DAB1: variants seen among roughly 807,000 people sequenced by gnomAD.
The protein encoded by DAB1 is disabled homolog 1.
A neutral mutation model predicts 64.6 loss-of-function variants in DAB1; 15 were observed. The ratio of observed to expected loss-of-function variants is 0.23; its 90% CI spans 0.16 to 0.36. The LOEUF (loss-of-function observed/expected upper bound fraction) is 0.36, where lower values mean the gene tolerates loss of function less well. Among genes scored for constraint, DAB1 ranks in the 10% least tolerant of loss-of-function variants. The pLI is 1.00. For synonymous variants in DAB1, 235 were observed against 251.9 expected (o/e 0.93, Z 0.64); for missense variants, 596 against 706.7 (o/e 0.84, Z 1.78).
Position 57,026,005 on chromosome 1 carries a change from T to A in DAB1, c.762A>T (p.Thr254=). 3.2e-6 allele frequency: 5 copies of A among 1,586,418 alleles called. No homozygotes were observed. Among genetic ancestry groups the A allele is most frequent in the Non-Finnish European group, 4.3e-6 (5 of 1,168,756 alleles). The part of the protein sequence containing the change: ...TQLELFGDMS[T]PPDITSPPTP... ...CGGGGGGAGAGGTTATATCAGGGGG[T>A]GTGGACATGTCCCCAAAAAGTTCTA... The change falls in exon 10 of 15, where the codon ACA becomes ACT. Residue 254 remains threonine, a synonymous_variant. Coordinates refer to ENST00000371236, the MANE Select transcript of DAB1 (RefSeq NM_001365792.1).
chr1:58,447,718 AG>A (rs1212410077), intron 3 of DAB1, among the ~76,000 whole-genome samples: 1 of 152,202 alleles, frequency 6.6e-6, no homozygotes, highest in Non-Finnish European at 1.5e-5. Flanking sequence ...GACTTTCTTG[AG>A]GAGGTGACAT....
chr1:58,402,893 C>T (rs368514578), intron 3 of DAB1, among the ~76,000 whole-genome samples: 2 of 152,282 alleles, frequency 1.3e-5, no homozygotes, highest in East Asian at 1.9e-4. Context: ...GAAGGCTGTG[C>T]GACCACGCAC....
intron 3 of DAB1, among the ~76,000 whole-genome samples, chr1:58,499,509 A>ATAGATAGATAGATAGATAAATAG (rs776144705): frequency 4.7e-5 from 2 of 42,854 alleles, no homozygotes; most frequent in South Asian, 7.0e-4. Context: ...TAGATAGATA[A>ATAGATAGATAGATAGATAAATAG]ATAGATAGAT....
At chr1:57,290,690 A>G (rs1672706235) in intron 2 of DAB1, among the ~76,000 whole-genome samples, 2 of 152,282 alleles carry the variant, frequency 1.3e-5, no homozygotes, top group South Asian at 4.2e-4. Context: ...GAAACACACA[A>G]AATTACTATT....
At chr1:57,116,325 A>T (rs1192145374) in intron 4 of DAB1, among the ~76,000 whole-genome samples, 1 of 151,586 alleles carries the variant, frequency 6.6e-6, no homozygotes, top group East Asian at 2.0e-4. Flanking sequence ...AGCCGGGCCC[A>T]GTGGCACGCG....
intron 4 of DAB1, among the ~76,000 whole-genome samples, chr1:58,228,278 T>C (rs748554646): frequency 9.2e-5 from 14 of 152,224 alleles, no homozygotes; most frequent in Non-Finnish European, 1.8e-4. Context: ...TGATAAGCCA[T>C]TAGGCAGTAG....
chr1:58,098,691 T>G (rs570330024), intron 5 of DAB1, among the ~76,000 whole-genome samples: 2 of 152,324 alleles, frequency 1.3e-5, no homozygotes, highest in South Asian at 4.1e-4. Flanking sequence ...CTCATCTGAT[T>G]TGACTAGCGT....
intron 5 of DAB1, among the ~76,000 whole-genome samples, chr1:58,010,769 C>T (rs959507028): frequency 6.6e-6 from 1 of 152,204 alleles, no homozygotes; most frequent in Non-Finnish European, 1.5e-5. Context: ...TACCTGTACT[C>T]CATGCCTATT....
At chr1:57,784,486 TAA>T (rs914660745) in intron 6 of DAB1, among the ~76,000 whole-genome samples, 1 of 152,136 alleles carries the variant, frequency 6.6e-6, no homozygotes, top group Non-Finnish European at 1.5e-5. Flanking sequence ...TAAAGAAAAT[TAA>T]AAGTGCTACT....
At chr1:58,022,834 A>G (rs1646833594) in intron 5 of DAB1, among the ~76,000 whole-genome samples, 1 of 152,092 alleles carries the variant, frequency 6.6e-6, no homozygotes, top group African/African-American at 2.4e-5. Flanking sequence ...TACCTTCATC[A>G]TCATCACCGC....
intron 6 of DAB1, among the ~76,000 whole-genome samples, chr1:57,781,638 T>C (rs977383221): frequency 4.0e-5 from 6 of 151,424 alleles, no homozygotes; most frequent in African/African-American, 1.5e-4. Context: ...GTCAAAATGA[T>C]TCCAAAGCTT....
At chr1:57,341,749 C>A (rs1200308908) in intron 1 of DAB1, among the ~76,000 whole-genome samples, 1 of 151,990 alleles carries the variant, frequency 6.6e-6, no homozygotes, top group Non-Finnish European at 1.5e-5. Context: ...TACACAGGTC[C>A]CCCGAAAAAG....
chr1:57,142,191 C>T (rs977012887), intron 3 of DAB1, among the ~76,000 whole-genome samples: 2 of 152,060 alleles, frequency 1.3e-5, no homozygotes, highest in Non-Finnish European at 2.9e-5. Flanking sequence ...CCTCTCAATC[C>T]CCTACAATCC....
At chr1:58,221,038 C>T (rs948937645) in intron 4 of DAB1, among the ~76,000 whole-genome samples, 10 of 136,662 alleles carry the variant, frequency 7.3e-5, no homozygotes, top group Non-Finnish European at 1.5e-4. Flanking sequence ...TCTTAGAGAG[C>T]TGTGGTTTTC....
chr1:58,517,865 A>G (rs1646181624), intron 2 of DAB1, among the ~76,000 whole-genome samples: 1 of 151,848 alleles, frequency 6.6e-6, no homozygotes, highest in Non-Finnish European at 1.5e-5. Flanking sequence ...AATTCTGGTC[A>G]ATGTCTTCTT....
At chr1:58,292,503 A>G (rs985414189) in intron 4 of DAB1, among the ~76,000 whole-genome samples, 3 of 152,208 alleles carry the variant, frequency 2.0e-5, no homozygotes, top group Admixed American at 6.5e-5. Context: ...AGAAATAAAA[A>G]GAGAACCTGT....
chr1:58,463,455 G>C (rs1645263581), intron 3 of DAB1, among the ~76,000 whole-genome samples: 1 of 152,350 alleles, frequency 6.6e-6, no homozygotes, highest in Non-Finnish European at 1.5e-5. Flanking sequence ...GCACCCTGGG[G>C]AGAAGGAGGC....
At chr1:58,019,270 G>A (rs1646783875) in intron 5 of DAB1, among the ~76,000 whole-genome samples, 1 of 152,046 alleles carries the variant, frequency 6.6e-6, no homozygotes, top group African/African-American at 2.4e-5. Context: ...CAGCTATAGA[G>A]GCCCAATTCA....
chr1:58,159,274 C>T (rs1483718926), intron 4 of DAB1, among the ~76,000 whole-genome samples: 1 of 152,180 alleles, frequency 6.6e-6, no homozygotes, highest in Non-Finnish European at 1.5e-5. Context: ...TCTAAAGACT[C>T]ATTCAAGTCA....
Sources: allele counts gnomAD v4.1 joint callset (sites outside exome capture counted in the v4.1 genomes callset), GRCh38; gene constraint gnomAD v4.1.1; transcripts MANE v1.5; gene names NCBI Gene and HGNC (gene_info 2026-07-23, HGNC 2026-07-21).